IMMP2L: variants seen among roughly 807,000 people sequenced by gnomAD.
IMMP2L encodes inner mitochondrial membrane peptidase subunit 2, also known as mitochondrial inner membrane protease subunit 2.
Under a neutral mutation model 19.3 loss-of-function variants are expected in IMMP2L, and 18 were observed. The observed-to-expected ratio is 0.93, with a 90% confidence interval of 0.64 to 1.38. IMMP2L has a LOEUF of 1.38. Ranked by LOEUF, IMMP2L falls within the 40% of genes most tolerant of loss-of-function variation. The pLI is 0.00. For missense variants in IMMP2L, 233 were observed against 218.2 expected, an observed-to-expected ratio of 1.07 and a Z score of -0.43; for synonymous variants, 76 against 73.0, an observed-to-expected ratio of 1.04 and a Z score of -0.21.
intron 3 of IMMP2L, among the ~76,000 whole-genome samples, chr7:111,285,936 AG>A (rs951568033): frequency 2.0e-5 from 3 of 152,172 alleles, no homozygotes; most frequent in Admixed American, 1.3e-4. Flanking sequence ...CATATCTGGT[AG>A]GGGGGTTATG....
At chr7:110,715,771 A>G (rs977463601) in intron 5 of IMMP2L, among the ~76,000 whole-genome samples, 2 of 152,226 alleles carry the variant, frequency 1.3e-5, no homozygotes, top group Admixed American at 6.5e-5. Flanking sequence ...GTTAGGTCCA[A>G]TTGGTCAAGT....
At chr7:110,722,908 T>G (rs1356923659) in intron 5 of IMMP2L, among the ~76,000 whole-genome samples, 1 of 152,130 alleles carries the variant, frequency 6.6e-6, no homozygotes, top group Non-Finnish European at 1.5e-5. Context: ...ATTTTCATGC[T>G]TCTCAGACCA....
In IMMP2L at chr7:111,503,389, G is replaced by T. The variant is rs200699178; in HGVS notation, c.136-16048C>A. Among the ~76,000 whole-genome samples, 939 of 152,138 alleles carry T rather than the reference G, an allele frequency of 6.2e-3. 25 individuals are homozygous for T. In the East Asian group the frequency reaches 0.075, roughly 12 times the overall value. On this transcript the variant is annotated intron_variant, in intron 2 of 5. Coordinates refer to ENST00000405709, the MANE Select transcript of IMMP2L (RefSeq NM_032549.4). ...GATTCACAGCCGAATTCTACCAGAG[G>T]TACAAGGAGGAGCTGGTACCATTCC...
At chr7:111,242,671 G>A (rs1450777453) in intron 3 of IMMP2L, among the ~76,000 whole-genome samples, 1 of 151,898 alleles carries the variant, frequency 6.6e-6, no homozygotes, top group African/African-American at 2.4e-5. Context: ...AAGGCCTCGT[G>A]CATCACTGAA....
intron 3 of IMMP2L, among the ~76,000 whole-genome samples, chr7:111,467,133 CCT>C (rs1200105802): frequency 6.6e-6 from 1 of 152,072 alleles, no homozygotes; most frequent in African/African-American, 2.4e-5. Context: ...AAGCACAGCC[CCT>C]GAGGCGAGAA....
intron 3 of IMMP2L, among the ~76,000 whole-genome samples, chr7:111,467,775 C>T (rs1840821810): frequency 6.6e-6 from 1 of 152,102 alleles, no homozygotes; most frequent in African/African-American, 2.4e-5. Flanking sequence ...AACAAACACT[C>T]CCGAAGTAGA....
intron 3 of IMMP2L, among the ~76,000 whole-genome samples, chr7:111,025,907 G>T (rs1266795425): frequency 1.3e-5 from 2 of 152,012 alleles, no homozygotes; most frequent in East Asian, 3.8e-4. Context: ...CAGATTACTT[G>T]AAGTTTGAGC....
At chr7:110,677,042 C>T (rs1028380640) in intron 5 of IMMP2L, among the ~76,000 whole-genome samples, 1 of 152,144 alleles carries the variant, frequency 6.6e-6, no homozygotes, top group African/African-American at 2.4e-5. Flanking sequence ...CTTTCCTGAT[C>T]CCACCTCTCT....
At chr7:110,791,612 T>C (rs1246943423) in intron 5 of IMMP2L, among the ~76,000 whole-genome samples, 9 of 151,740 alleles carry the variant, frequency 5.9e-5, no homozygotes, top group Admixed American at 5.2e-4. Context: ...GTGTGATGGA[T>C]AAATAAAAGA....
In IMMP2L at chr7:111,390,276, G is replaced by A. The variant is rs184605753; in HGVS notation, c.239+96962C>T. Among the ~76,000 whole-genome samples, 241 of 152,184 alleles carry A rather than the reference G, an allele frequency of 1.6e-3. 2 individuals are homozygous for A. Among genetic ancestry groups the A allele is most frequent in the African/African-American group, 5.6e-3 (233 of 41,538 alleles). ...TCTGAGGGCCCCACTGGCTTGTCTA[G>A]GGTTCTGTCAGGCCTGCCTCACAGT... On this transcript the variant is annotated intron_variant, in intron 3 of 5. Coordinates refer to ENST00000405709, the MANE Select transcript of IMMP2L (RefSeq NM_032549.4).
chr7:111,002,065 A>T (rs899890092), intron 3 of IMMP2L, among the ~76,000 whole-genome samples: 6 of 152,162 alleles, frequency 3.9e-5, no homozygotes, highest in Non-Finnish European at 8.8e-5. Flanking sequence ...TAATAACTAT[A>T]GCCTTTTTCC....
At chr7:111,168,140 C>T (rs1402583004) in intron 3 of IMMP2L, among the ~76,000 whole-genome samples, 1 of 151,868 alleles carries the variant, frequency 6.6e-6, no homozygotes, top group Admixed American at 6.6e-5. Flanking sequence ...TGATTTTCTG[C>T]TGGATATGTT....
At position 111,465,282 on chromosome 7, in the gene IMMP2L, A is replaced by G. The variant is rs551662770; in HGVS notation, c.239+21956T>C. ...CTCTCAGTCAAGATTCTGATAAATC[A>G]TCAATCCCCTACCTGGGCTATTTCA... is the stretch of plus-strand genomic sequence containing the variant. On this transcript the variant is annotated intron_variant, in intron 3 of 5. Coordinates refer to ENST00000405709, the MANE Select transcript of IMMP2L (RefSeq NM_032549.4). Among the ~76,000 whole-genome samples the G allele has an allele frequency of 1.3e-4, 19 of 151,978 alleles. No individual in the cohort carries two copies. In the South Asian group the frequency reaches 3.9e-3, roughly 32 times the overall value.
At chr7:111,299,325 A>C (rs1474324314) in intron 3 of IMMP2L, among the ~76,000 whole-genome samples, 1 of 152,184 alleles carries the variant, frequency 6.6e-6, no homozygotes, top group African/African-American at 2.4e-5. Context: ...ACCGGCCAGA[A>C]TACCAAACAG....
intron 4 of IMMP2L, among the ~76,000 whole-genome samples, chr7:110,911,669 T>C (rs1813071845): frequency 6.6e-6 from 1 of 152,104 alleles, no homozygotes; most frequent in Non-Finnish European, 1.5e-5. Flanking sequence ...GAATTGCAAA[T>C]GTTTTTCCTT....
intron 3 of IMMP2L, among the ~76,000 whole-genome samples, chr7:111,237,807 C>T (rs1814512473): frequency 6.6e-6 from 1 of 151,936 alleles, no homozygotes; most frequent in Admixed American, 6.6e-5. Flanking sequence ...GTCACCTTAG[C>T]TCATGAGCTC....
chr7:111,391,340 A>T (rs888288831), intron 3 of IMMP2L, among the ~76,000 whole-genome samples: 1 of 152,068 alleles, frequency 6.6e-6, no homozygotes, highest in Non-Finnish European at 1.5e-5. Context: ...TGAGCTTCAC[A>T]CTCACCAAGA....
intron 3 of IMMP2L, among the ~76,000 whole-genome samples, chr7:111,253,130 A>G (rs1000130723): frequency 2.0e-5 from 3 of 152,218 alleles, no homozygotes; most frequent in African/African-American, 7.2e-5. Context: ...ATTTAACATG[A>G]TAAAGGTCTC....
intron 5 of IMMP2L, among the ~76,000 whole-genome samples, chr7:110,857,673 T>C (rs531792771): frequency 6.6e-6 from 1 of 152,050 alleles, no homozygotes; most frequent in African/African-American, 2.4e-5. Flanking sequence ...CAAATACCAC[T>C]TTAAGGGATT....
Sources: gnomAD v4.1 joint callset for allele counts (sites outside exome capture counted in the v4.1 genomes callset) on GRCh38, gnomAD v4.1.1 for gene constraint, MANE v1.5 for transcripts, NCBI Gene and HGNC (gene_info 2026-07-23, HGNC 2026-07-21) for gene names.